The following POT1 variants were observed in gnomAD, a reference collection of about 807,000 sequenced individuals.
POT1 encodes protection of telomeres protein 1.
Under a neutral mutation model 78.5 loss-of-function variants are expected in POT1, and 47 were observed. The ratio of observed to expected loss-of-function variants is 0.60; its 90% confidence interval spans 0.47 to 0.76. The LOEUF is 0.76. Ranked by LOEUF, POT1 falls within the 30% of genes least tolerant of loss-of-function variation. The probability of loss-of-function intolerance (pLI) is 0.00; values close to 1 mark genes in which losing one functional copy is unlikely to be tolerated. For missense variants in POT1, 646 were observed against 749.9 expected (o/e 0.86, Z 1.62); for synonymous variants, 259 against 260.7 (o/e 0.99, Z 0.06).
At chr7:124,841,539 C>T (rs1400354459) in intron 13 of POT1, among the ~76,000 whole-genome samples, 1 of 151,790 alleles carries the variant, frequency 6.6e-6, no homozygotes, top group East Asian at 1.9e-4. Context: ...GCAGTGGCCC[C>T]GTCTTCACTC....
At chr7:124,866,816 C>T (rs965702654) in intron 7 of POT1, among the ~76,000 whole-genome samples, 12 of 152,168 alleles carry the variant, frequency 7.9e-5, no homozygotes, top group Admixed American at 5.9e-4. Flanking sequence ...TATGGGTCTT[C>T]GTGGTAGTAG....
At chr7:124,848,667 G>GGA (rs780949944) in intron 11 of POT1, 1 of 109,700 alleles carries the variant, frequency 9.1e-6, no homozygotes, top group African/African-American at 3.3e-5. Context: ...CATCTCAAAA[G>GGA]AAAAAAAAAA....
At chr7:124,865,631 CATTT>C (rs1223400392) in intron 7 of POT1, among the ~76,000 whole-genome samples, 3 of 151,614 alleles carry the variant, frequency 2.0e-5, no homozygotes, top group Non-Finnish European at 4.4e-5. Flanking sequence ...TCTTTTCATT[CATTT>C]AACATCTTCC....
At chr7:124,922,049 A>G (rs1413410201) in intron 2 of POT1, among the ~76,000 whole-genome samples, 1 of 152,078 alleles carries the variant, frequency 6.6e-6, no homozygotes, top group African/African-American at 2.4e-5. Flanking sequence ...AGGAAAAAAA[A>G]TGCAAATCAC....
chr7:124,848,894 C>T (rs765938898), intron 11 of POT1, among the ~76,000 whole-genome samples: 2 of 151,844 alleles, frequency 1.3e-5, no homozygotes, highest in Non-Finnish European at 2.9e-5. Flanking sequence ...AATAGAATGA[C>T]CAAATGAACA....
At chr7:124,893,624 G>A (rs1195667671) in intron 5 of POT1, among the ~76,000 whole-genome samples, 6 of 151,574 alleles carry the variant, frequency 4.0e-5, no homozygotes, top group African/African-American at 1.2e-4. Flanking sequence ...TTGAGAACGA[G>A]TCTGCTGATA....
chr7:124,883,466 T>C (rs1268486961), intron 6 of POT1, among the ~76,000 whole-genome samples: 1 of 152,122 alleles, frequency 6.6e-6, no homozygotes, highest in Non-Finnish European at 1.5e-5. Flanking sequence ...TCATATTATC[T>C]GGCATATAGA....
chr7:124,825,147 A>C (rs1794598610), intron 18 of POT1, 105 bp downstream of exon 18: 3 of 621,376 alleles, frequency 4.8e-6, no homozygotes, highest in African/African-American at 3.7e-5. Context: ...TTAGTAAATC[A>C]TTTGGAAGCA....
Position 124,835,350 on chromosome 7 carries a change from A to G in POT1, c.1434T>C (p.Ser478=), listed in dbSNP as rs1562977862. ...CCAAAAGTTCCAGGTCTTCGTGGCC[A>G]GATCTCACAGGAATTACACTATTAA... is the stretch of plus-strand genomic sequence containing the variant. ...NKFNSVIPVR[S]GHEDLELLDL... is the part of the protein sequence containing the mutation. The change falls in exon 15 of 19, where the codon TCT becomes TCC. Residue 478 remains serine, a synonymous_variant. Transcript: ENST00000357628. 6.2e-7 allele frequency: 1 copy of G among 1,614,164 alleles called. No homozygotes were observed. Among genetic ancestry groups the G allele is most frequent in the Non-Finnish European group, 8.5e-7 (1 of 1,180,006 alleles).
At chr7:124,828,454 T>C (rs1794683052) in intron 16 of POT1, among the ~76,000 whole-genome samples, 1 of 152,180 alleles carries the variant, frequency 6.6e-6, no homozygotes, top group Non-Finnish European at 1.5e-5. Context: ...GGAACCCATA[T>C]TTAAACAGTA....
intron 4 of POT1, among the ~76,000 whole-genome samples, chr7:124,897,486 T>G (rs930826382): frequency 3.9e-5 from 6 of 151,946 alleles, no homozygotes; most frequent in Admixed American, 1.3e-4. Context: ...ACAGCAATAT[T>G]CAGTTCTCAG....
chr7:124,851,791 G>A (rs921583544), intron 11 of POT1, 81 bp downstream of exon 11: 62 of 983,396 alleles, frequency 6.3e-5, no homozygotes, highest in Middle Eastern at 3.0e-4. Context: ...GAGACAAAGA[G>A]AAGACATTAC....
At chr7:124,830,604 T>G (rs559545703) in intron 15 of POT1, among the ~76,000 whole-genome samples, 1 of 152,196 alleles carries the variant, frequency 6.6e-6, no homozygotes, top group Admixed American at 6.5e-5. Context: ...CAGAACTACT[T>G]ACTTCCAAAG....
At chr7:124,870,138 T>A (rs1224891148) in intron 7 of POT1, among the ~76,000 whole-genome samples, 3 of 152,068 alleles carry the variant, frequency 2.0e-5, no homozygotes, top group Non-Finnish European at 4.4e-5. Context: ...AACAGAAATA[T>A]TTAAAATCTA....
intron 3 of POT1, among the ~76,000 whole-genome samples, chr7:124,904,858 C>T (rs1796720331): frequency 2.0e-5 from 3 of 152,136 alleles, no homozygotes; most frequent in Admixed American, 1.3e-4. Flanking sequence ...CAATAACAGA[C>T]AAACAGCCAA....
intron 12 of POT1, among the ~76,000 whole-genome samples, chr7:124,846,036 A>G (rs1394882379): frequency 6.6e-6 from 1 of 152,058 alleles, no homozygotes; most frequent in Non-Finnish European, 1.5e-5. Flanking sequence ...TGATTCCTTT[A>G]GAGAGAAATA....
intron 2 of POT1, among the ~76,000 whole-genome samples, chr7:124,916,623 G>A (rs993892010): frequency 1.2e-4 from 19 of 152,034 alleles, no homozygotes; most frequent in Non-Finnish European, 2.5e-4. Context: ...TTACAAAGAA[G>A]AGCCAAAGTT....
intron 6 of POT1, among the ~76,000 whole-genome samples, chr7:124,891,988 C>A (rs1394564587): frequency 6.6e-6 from 1 of 151,576 alleles, no homozygotes; most frequent in Non-Finnish European, 1.5e-5. Context: ...TATATATTTA[C>A]CTTTTCCAGT....
chr7:124,849,071 T>C (rs1241616660), intron 11 of POT1, among the ~76,000 whole-genome samples: 1 of 152,200 alleles, frequency 6.6e-6, no homozygotes, highest in Non-Finnish European at 1.5e-5. Context: ...TTTTTATAAT[T>C]TATTTTATAA....
Sources: allele counts gnomAD v4.1 joint callset (sites outside exome capture counted in the v4.1 genomes callset), GRCh38; gene constraint gnomAD v4.1.1; transcripts MANE v1.5; gene names NCBI Gene and HGNC (gene_info 2026-07-23, HGNC 2026-07-21).